The following SHROOM3 variants were observed in gnomAD, a reference collection of about 807,000 sequenced individuals.
SHROOM3 encodes the protein shroom family member 3.
A neutral mutation model predicts 138.6 loss-of-function variants in SHROOM3; 47 were observed. That is an observed-to-expected ratio of 0.34 (90% CI 0.27 to 0.43). The LOEUF is 0.43. Ranked by LOEUF, SHROOM3 falls within the 20% of genes least tolerant of loss-of-function variation. The pLI, the probability that SHROOM3 is intolerant of heterozygous loss-of-function variation, is 1.00. For synonymous variants in SHROOM3, 1,062 were observed against 1,063.3 expected, an observed-to-expected ratio of 1.00 and a Z score of 0.02; for missense variants, 2,491 against 2,596.5, an observed-to-expected ratio of 0.96 and a Z score of 0.88.
At chr4:76,507,980 A>G (rs1300092555) in intron 1 of SHROOM3, among the ~76,000 whole-genome samples, 15 of 152,238 alleles carry the variant, frequency 9.9e-5, no homozygotes, top group Admixed American at 9.2e-4. Context: ...TATCAGATAC[A>G]TGTTTTACAA....
chr4:76,503,454 G>A (rs1256238750), intron 1 of SHROOM3, among the ~76,000 whole-genome samples: 1 of 151,798 alleles, frequency 6.6e-6, no homozygotes, highest in Non-Finnish European at 1.5e-5. Context: ...TTTGAGACAG[G>A]GTCTTACTTT....
chr4:76,444,507 T>A (rs1391835728), intron 1 of SHROOM3, among the ~76,000 whole-genome samples: 1 of 138,500 alleles, frequency 7.2e-6, no homozygotes, highest in Non-Finnish European at 1.5e-5. Flanking sequence ...TTTTTTTTTT[T>A]TTTTGAGACG....
At chr4:76,537,118 T>C (rs976512646) in intron 1 of SHROOM3, among the ~76,000 whole-genome samples, 1 of 151,778 alleles carries the variant, frequency 6.6e-6, no homozygotes, top group African/African-American at 2.4e-5. Flanking sequence ...ATCTCAAAAA[T>C]AATAATAATA....
chr4:76,753,100 G>A (rs568985155), intron 6 of SHROOM3, among the ~76,000 whole-genome samples: 5 of 152,226 alleles, frequency 3.3e-5, no homozygotes, highest in Admixed American at 1.3e-4. Flanking sequence ...CATCCCCAGC[G>A]GGAAGCCACC....
intron 1 of SHROOM3, among the ~76,000 whole-genome samples, chr4:76,472,464 G>A (rs1474050039): frequency 6.6e-6 from 1 of 152,158 alleles, no homozygotes; most frequent in Non-Finnish European, 1.5e-5. Flanking sequence ...GGAAGCAGTG[G>A]TGGGGCACTA....
At chr4:76,439,268 C>A (rs1730621542) in intron 1 of SHROOM3, among the ~76,000 whole-genome samples, 1 of 152,186 alleles carries the variant, frequency 6.6e-6, no homozygotes. Flanking sequence ...CTCTCTCTTT[C>A]ACTTTTAAGG....
intron 5 of SHROOM3, chr4:76,742,154 C>T (rs1721284069): frequency 2.1e-6 from 1 of 473,108 alleles, no homozygotes; most frequent in Non-Finnish European, 3.6e-6. Context: ...TACAGATTCT[C>T]TATCTATCTG....
At chr4:76,574,203 A>G (rs1733890646) in intron 2 of SHROOM3, among the ~76,000 whole-genome samples, 1 of 151,748 alleles carries the variant, frequency 6.6e-6, no homozygotes, top group Admixed American at 6.6e-5. Context: ...GTGCTTCCCT[A>G]CTTCTATAAC....
At chr4:76,695,485 A>T (rs1173940469) in intron 2 of SHROOM3, among the ~76,000 whole-genome samples, 1 of 152,202 alleles carries the variant, frequency 6.6e-6, no homozygotes, top group Non-Finnish European at 1.5e-5. Context: ...TTGATCCTGG[A>T]TATTTCATAT....
At chr4:76,635,111 A>G (rs1289052528) in intron 2 of SHROOM3, among the ~76,000 whole-genome samples, 1 of 152,170 alleles carries the variant, frequency 6.6e-6, no homozygotes, top group Non-Finnish European at 1.5e-5. Context: ...TATCATCTTA[A>G]AGTTTCTGTC....
intron 4 of SHROOM3, among the ~76,000 whole-genome samples, chr4:76,731,791 C>G (rs344136): frequency 8.5e-6 from 1 of 118,186 alleles, no homozygotes. Context: ...AAAAAAAAAA[C>G]AAACAAACAA....
At chr4:76,608,110 G>A (rs1376605180) in intron 2 of SHROOM3, among the ~76,000 whole-genome samples, 1 of 152,178 alleles carries the variant, frequency 6.6e-6, no homozygotes, top group African/African-American at 2.4e-5. Context: ...TGCAAACAAA[G>A]AAAAGCCTCA....
At position 76,586,789 on chromosome 4, in the gene SHROOM3, A is replaced by G. The variant is rs116257981; in HGVS notation, c.323+31026A>G. Among the ~76,000 whole-genome samples, 490 of 152,338 alleles carry G rather than the reference A, an allele frequency of 3.2e-3. 2 individuals carry two copies. The highest frequency in any genetic ancestry group is 5.0e-3 in the Non-Finnish European group (337 of 68,034). ...ACTTTTAGTTAAGGCCAACAAATAT[A>G]TATGCTAACTTGTATAATAAGACCA... On this transcript the variant is annotated intron_variant, in intron 2 of 10. Coordinates refer to ENST00000296043, the MANE Select transcript of SHROOM3 (RefSeq NM_020859.4).
rs549034694 is a variant in SHROOM3 at position 76,715,408 on chromosome 4, C to T, written c.455+5121C>T. 2.0e-5 allele frequency among the ~76,000 whole-genome samples: 3 copies of T among 152,292 alleles called. No individual in the cohort carries two copies. The South Asian group carries it at 6.2e-4, about 32-fold the overall frequency. On this transcript the variant is annotated intron_variant, in intron 3 of 10. Coordinates refer to ENST00000296043, the MANE Select transcript of SHROOM3 (RefSeq NM_020859.4). ...TTTCCCGCTTAGATCCCTGCATTCT[C>T]TCTTATCTATCAACAGGAATTCTTA...
intron 2 of SHROOM3, among the ~76,000 whole-genome samples, chr4:76,674,317 T>C (rs1718964827): frequency 6.6e-6 from 1 of 152,188 alleles, no homozygotes; most frequent in Non-Finnish European, 1.5e-5. Flanking sequence ...AGTGATCCTA[T>C]ATTTCTATAG....
chr4:76,683,980 T>C (rs372941403), intron 2 of SHROOM3, among the ~76,000 whole-genome samples: 3 of 152,288 alleles, frequency 2.0e-5, no homozygotes, highest in South Asian at 2.1e-4. Context: ...TTTCTGGATA[T>C]TTATAAAACA....
intron 2 of SHROOM3, among the ~76,000 whole-genome samples, chr4:76,556,341 G>A (rs1251597082): frequency 6.6e-6 from 1 of 152,192 alleles, no homozygotes; most frequent in Non-Finnish European, 1.5e-5. Context: ...TTATGGAAAG[G>A]GGATGGGAAT....
intron 2 of SHROOM3, among the ~76,000 whole-genome samples, chr4:76,574,614 G>A (rs549906027): frequency 4.7e-4 from 72 of 152,066 alleles, no homozygotes; most frequent in South Asian, 8.3e-4. Context: ...AAATCATTTT[G>A]TGATTAAAAA....
At chr4:76,553,832 TA>T (rs1197600108) in intron 1 of SHROOM3, among the ~76,000 whole-genome samples, 1 of 151,802 alleles carries the variant, frequency 6.6e-6, no homozygotes, top group African/African-American at 2.4e-5. Flanking sequence ...ATTAGGTTCA[TA>T]AAAAAAAGAC....
Sources: allele counts gnomAD v4.1 joint callset (sites outside exome capture counted in the v4.1 genomes callset), GRCh38; gene constraint gnomAD v4.1.1; transcripts MANE v1.5; gene names NCBI Gene and HGNC (gene_info 2026-07-23, HGNC 2026-07-21).